Variants in EPHA2 observed in about 807,000 individuals in gnomAD.
EPHA2 encodes the protein EPH receptor A2, also known as ephrin type-A receptor 2.
In EPHA2, 54 loss-of-function variants were observed where a neutral mutation model predicts 104.9. The ratio of observed to expected loss-of-function variants is 0.51; its 90% CI spans 0.41 to 0.65. EPHA2 has a LOEUF of 0.65. Ranked by LOEUF, EPHA2 falls within the 30% of genes least tolerant of loss-of-function variation. The pLI is 0.00. For missense variants in EPHA2, 1,117 were observed against 1,369.5 expected, an observed-to-expected ratio of 0.82 and a Z score of 2.91; for synonymous variants, 560 against 559.1, an observed-to-expected ratio of 1.00 and a Z score of -0.02.
Position 16,155,954 on chromosome 1 carries a change from C to A in EPHA2, c.-22G>T. The A allele has an allele frequency of 6.7e-7, 1 of 1,483,090 alleles. No individual in the cohort carries two copies. The highest frequency in any genetic ancestry group is 1.5e-5 in the African/African-American group (1 of 68,484). 91.9% of individuals were successfully genotyped at this position (1,483,090 alleles called of 1,614,324 possible). On this transcript the variant is annotated 5_prime_UTR_variant, in exon 1 of 17. Transcript: ENST00000358432. ...CCATGCCGCGCTTCTCGCTCTCGGT[C>A]CGATCCCCCCGAGCCCGGCTCCCGC...
At position 16,134,248 on chromosome 1, in the gene EPHA2, TAAC is replaced by T. The variant is rs34198714; in HGVS notation, c.1682+217_1682+219del. On this transcript the variant is annotated intron_variant, in intron 8 of 16. Coordinates refer to ENST00000358432, the MANE Select transcript of EPHA2 (RefSeq NM_004431.5). The surrounding 1 kb of genome is among the most constrained non-coding windows in gnomAD (Gnocchi z 4.5). ...AGAGGAAGTGTGGACACATCATTAA[TAAC>T]AACAAGAGCAGAGGTAATGACCCCC... 0.99 allele frequency among the ~76,000 whole-genome samples: 150,737 copies of T among 152,082 alleles called. 74,717 individuals carry two copies. The highest frequency in any genetic ancestry group is 1 in the African/African-American group (41,389 of 41,494).
intron 3 of EPHA2, among the ~76,000 whole-genome samples, chr1:16,140,643 G>C (rs1404861868): frequency 3.3e-5 from 5 of 152,090 alleles, no homozygotes. Flanking sequence ...TTTTGAGATG[G>C]AGTCTCGCTC....
Position 16,128,786 on chromosome 1 carries a change from C to T in EPHA2, c.2825+648G>A, listed in dbSNP as rs2024516518. ...CAGGGCCAGCAGAGAGTAAGTGGCA[C>T]TTCTCACCAGGTGGGACTGCAGGCT... On this transcript the variant is annotated intron_variant, in intron 16 of 16. Transcript: ENST00000358432. The surrounding 1 kb of genome is among the most constrained non-coding windows in gnomAD (Gnocchi z 4.7). Among the ~76,000 whole-genome samples, 1 of 152,170 alleles carries T rather than the reference C, an allele frequency of 6.6e-6. No individual in the cohort carries two copies. The highest frequency in any genetic ancestry group is 2.4e-5 in the African/African-American group (1 of 41,438).
At position 16,134,510 on chromosome 1, in the gene EPHA2, A is replaced by T. The variant is rs766765425; in HGVS notation, c.1640T>A (p.Leu547Gln). Residue 547 changes from leucine to glutamine, a missense_variant, in exon 8 of 17, where the codon CTG (leucine) becomes CAG (glutamine). By Grantham distance (113) the Leu-to-Gln change is moderately radical. Around this residue, in one of 3 missense-constraint regions of EPHA2, gnomAD observed 664 missense variants for 784.8 expected, o/e 0.85. Coordinates refer to ENST00000358432, the MANE Select transcript of EPHA2 (RefSeq NM_004431.5). This position sits in a 1 kb window ranked among gnomAD's most constrained non-coding sequence, Gnocchi z 4.5. ...GCCAACTCCTGCCAGCACCAGAAGC[A>T]GGACCACACCGACAGCCACGCCGCC... is the stretch of plus-strand genomic sequence containing the variant. ...VIGGVAVGVVLLLVLAGVGFF... is the reference protein window; with the variant it reads ...VIGGVAVGVVQLLVLAGVGFF... 2.5e-6 allele frequency: 4 copies of T among 1,614,126 alleles called. No homozygotes were observed. The South Asian group carries it at 4.4e-5, about 18-fold the overall frequency.
chr1:16,130,077 G>T lies in EPHA2; in HGVS notation c.2669+149C>A. 9.5e-7 allele frequency: 1 copy of T among 1,049,796 alleles called. No homozygotes were observed. The highest frequency in any genetic ancestry group is 1.4e-6 in the Non-Finnish European group (1 of 713,746). 65.0% of individuals were successfully genotyped at this position (1,049,796 alleles called of 1,614,324 possible). On this transcript the variant is annotated intron_variant, in intron 15 of 16. Coordinates refer to ENST00000358432, the MANE Select transcript of EPHA2 (RefSeq NM_004431.5). The surrounding 1 kb of genome is among the most constrained non-coding windows in gnomAD (Gnocchi z 4.5). ...TTCTATTAGGATTTCCTGGGCCATCGTGTCCAGTCTAAGTCAAGTCCACAC... is the reference window on the plus strand; with the variant it reads ...TTCTATTAGGATTTCCTGGGCCATCTTGTCCAGTCTAAGTCAAGTCCACAC...
At chr1:16,141,387 T>G (rs1016490966) in intron 3 of EPHA2, among the ~76,000 whole-genome samples, 2 of 152,186 alleles carry the variant, frequency 1.3e-5, no homozygotes, top group African/African-American at 2.4e-5. Flanking sequence ...CCATAACATA[T>G]CTGCATGATA....
chr1:16,133,541 A>T lies in EPHA2; in HGVS notation c.1804T>A (p.Leu602Met). ...GGATGGATCTCGGTAGTGAACTTCA[A>T]CACAGCCTGGTTGGGGTCCTCATAT... ...HTYEDPNQAV[L>M]KFTTEIHPSC... The change falls in exon 10 of 17, where the codon TTG becomes ATG. Residue 602 changes from leucine to methionine, a missense_variant. By Grantham distance (15) the Leu-to-Met change is conservative. Transcript: ENST00000358432. 1 of 1,614,054 alleles carries T rather than the reference A, an allele frequency of 6.2e-7. No individual in the cohort carries two copies. The highest frequency in any genetic ancestry group is 1.1e-5 in the South Asian group (1 of 91,088).
intron 1 of EPHA2, among the ~76,000 whole-genome samples, chr1:16,154,028 G>A (rs779359145): frequency 6.6e-6 from 1 of 152,136 alleles, no homozygotes; most frequent in African/African-American, 2.4e-5. Flanking sequence ...GGGGTGTGGG[G>A]GTGGGGTTTA....
Position 16,150,880 on chromosome 1 carries a change from C to A in EPHA2, c.153+16G>T. On this transcript the variant is annotated intron_variant, in intron 2 of 16. Transcript: ENST00000358432. The surrounding 1 kb of genome is among the most constrained non-coding windows in gnomAD (Gnocchi z 4.8). ...CCCCATTCTCACACCTCTCCCCACC[C>A]CGAAGGCTTACATACCCCTTTGCCA... 1 of 1,614,088 alleles carries A rather than the reference C, an allele frequency of 6.2e-7. No homozygotes were observed. Among genetic ancestry groups the A allele is most frequent in the Non-Finnish European group, 8.5e-7 (1 of 1,179,982 alleles).
chr1:16,153,181 A>C, intron 1 of EPHA2: 1 of 985,120 alleles, frequency 1.0e-6, no homozygotes. Flanking sequence ...TTCCACCGTA[A>C]GTGCCATCTT....
chr1:16,145,362 G>A (rs1476516663), intron 3 of EPHA2, among the ~76,000 whole-genome samples: 2 of 152,212 alleles, frequency 1.3e-5, no homozygotes, highest in African/African-American at 2.4e-5. Flanking sequence ...CCCACCTGCC[G>A]CACACAGCAC....
rs1392228464 is a variant in EPHA2, at chr1:16,133,548, C to G, written c.1797G>C (p.Gln599His). 6.2e-7 allele frequency: 1 copy of G among 1,613,958 alleles called. No individual in the cohort carries two copies. Among genetic ancestry groups the G allele is most frequent in the African/African-American group, 1.3e-5 (1 of 74,906 alleles). The change falls in exon 10 of 17, where the codon CAG (glutamine) becomes CAC (histidine). Residue 599 changes from glutamine to histidine, a missense_variant. Transcript: ENST00000358432. ...VDPHTYEDPN[Q>H]AVLKFTTEIH... ...TCTCGGTAGTGAACTTCAACACAGC[C>G]TGGTTGGGGTCCTCATATGTGTGGG...
At position 16,124,576 on chromosome 1, in the gene EPHA2, G is replaced by A. The variant is rs368994858; in HGVS notation, c.*639C>T. 1.3e-5 allele frequency: 2 copies of A among 153,090 alleles called. No homozygotes were observed. Among genetic ancestry groups the A allele is most frequent in the African/African-American group, 4.8e-5 (2 of 41,426 alleles). The allele number at this position is 153,090 out of a possible 1,614,324, so 9.5% of individuals were successfully genotyped here. Reference sequence around the variant, plus strand: ...AGCTCACGAATGTTTGACACCCTCTGTCCCCAGCCCTGGCGGGGCCCCCTG... The same window carrying A: ...AGCTCACGAATGTTTGACACCCTCTATCCCCAGCCCTGGCGGGGCCCCCTG... On this transcript the variant is annotated 3_prime_UTR_variant, in exon 17 of 17. Coordinates refer to ENST00000358432, the MANE Select transcript of EPHA2 (RefSeq NM_004431.5).
chr1:16,147,422 C>T (rs1043248329), intron 3 of EPHA2, among the ~76,000 whole-genome samples: 4 of 152,064 alleles, frequency 2.6e-5, no homozygotes, highest in African/African-American at 7.2e-5. Context: ...ATGTGCACCC[C>T]GGGTCCAACT....
At chr1:16,132,315 C>G (rs372487104) in intron 12 of EPHA2, 42 bp from the exon 13 acceptor site, 4 of 1,614,028 alleles carry the variant, frequency 2.5e-6, no homozygotes, top group Non-Finnish European at 3.4e-6. Context: ...AGCCCTGAAC[C>G]CGCCAGGCCA....
intron 3 of EPHA2, among the ~76,000 whole-genome samples, chr1:16,139,327 G>A (rs890090572): frequency 6.6e-6 from 1 of 152,120 alleles, no homozygotes; most frequent in African/African-American, 2.4e-5. Flanking sequence ...AGGGTGGGTA[G>A]AGGTCACCCT....
chr1:16,151,867 G>A (rs555990923), intron 1 of EPHA2, among the ~76,000 whole-genome samples: 13 of 152,266 alleles, frequency 8.5e-5, no homozygotes, highest in African/African-American at 2.2e-4. Context: ...GGAGCCTGGC[G>A]GAGGGATACA....
chr1:16,129,425 C>G lies in EPHA2; in HGVS notation c.2825+9G>C, dbSNP rs775194019. 4 of 1,612,270 alleles carry G rather than the reference C, an allele frequency of 2.5e-6. No individual in the cohort carries two copies. The highest frequency in any genetic ancestry group is 3.4e-6 in the Non-Finnish European group (4 of 1,179,966). ...GAGGCGAGGGGGGACGGAAAGGGGC[C>G]TGACTTACTCGTTGGTCATCTGCAC... is the stretch of plus-strand genomic sequence containing the variant. On this transcript the variant is annotated intron_variant, in intron 16 of 16. Transcript: ENST00000358432.
rs2024519381 is a variant in EPHA2, at chr1:16,128,924, G to A, written c.2825+510C>T. On this transcript the variant is annotated intron_variant, in intron 16 of 16. Transcript: ENST00000358432. This position sits in a 1 kb window ranked among gnomAD's most constrained non-coding sequence, Gnocchi z 4.7. The stretch of plus-strand genomic sequence containing the variant: ...CCCCAAACTGGCTGTGTGACCTCAG[G>A]CAAGCCGGTAACATCTCAGCCTGTT... Among the ~76,000 whole-genome samples the A allele has an allele frequency of 6.6e-6, 1 of 151,946 alleles. No homozygotes were observed. Among genetic ancestry groups the A allele is most frequent in the African/African-American group, 2.4e-5 (1 of 41,372 alleles).
Sources: gnomAD v4.1 joint callset for allele counts (sites outside exome capture counted in the v4.1 genomes callset) on GRCh38, gnomAD v4.1.1 for gene constraint, gnomAD v4.1.1 regional missense constraint, Gnocchi (gnomAD v3.1) non-coding constraint, MANE v1.5 for transcripts, NCBI Gene and HGNC (gene_info 2026-07-23, HGNC 2026-07-21) for gene names.